HDDC3: variants seen among roughly 807,000 people sequenced by gnomAD.
HDDC3 encodes HD domain containing 3.
Under a neutral mutation model 19.1 loss-of-function variants are expected in HDDC3, and 18 were observed. The observed-to-expected ratio is 0.94, with a 90% CI of 0.65 to 1.40. The LOEUF is 1.40. Ranked by LOEUF, HDDC3 falls within the 40% of genes most tolerant of loss-of-function variation. The pLI is 0.00. For missense variants in HDDC3, 250 were observed against 228.9 expected (o/e 1.09, Z -0.59); for synonymous variants, 107 against 99.4 (o/e 1.08, Z -0.46).
chr15:90,931,070 G>T lies in HDDC3; in HGVS notation c.*205C>A. 1 of 582,258 alleles carries T rather than the reference G, an allele frequency of 1.7e-6. No homozygotes were observed. The highest frequency in any genetic ancestry group is 3.0e-6 in the Non-Finnish European group (1 of 332,266). 36.1% of individuals were successfully genotyped at this position (582,258 alleles called of 1,614,324 possible). On this transcript the variant is annotated 3_prime_UTR_variant, in exon 4 of 4. Coordinates refer to ENST00000394272, the MANE Select transcript of HDDC3 (RefSeq NM_001286451.2). ...GAGAGGCGGTGAGTGCATCAGAAATGGATGGGTACATCTGATTCCCACCAC... is the reference window on the plus strand; with the variant it reads ...GAGAGGCGGTGAGTGCATCAGAAATTGATGGGTACATCTGATTCCCACCAC...
rs1013919774 is a variant in HDDC3, at chr15:90,931,033, C to G, written c.*242G>C. 2.0e-6 allele frequency: 1 copy of G among 494,940 alleles called. No homozygotes were observed. The allele number at this position is 494,940 out of a possible 1,614,324, so 30.7% of individuals were successfully genotyped here. A position where few individuals can be genotyped will look rare whatever the true frequency, so the allele number is the denominator to read the frequency against. On this transcript the variant is annotated 3_prime_UTR_variant, in exon 4 of 4. Coordinates refer to ENST00000394272, the MANE Select transcript of HDDC3 (RefSeq NM_001286451.2). ...CCACCATGCAAAATAGCAAACAGAC[C>G]CAAGACTTGGGGAGAGGCGGTGAGT...
chr15:90,931,130 A>T lies in HDDC3; in HGVS notation c.*145T>A. On this transcript the variant is annotated 3_prime_UTR_variant, in exon 4 of 4. Transcript: ENST00000394272. ...AGCTTAGTTAGCAGGAGACCTTCAG[A>T]CTGAGAAAAAATGCAAGTCTTTTTT... The T allele has an allele frequency of 1.0e-6, 1 of 985,158 alleles. No homozygotes were observed. Among genetic ancestry groups the T allele is most frequent in the Non-Finnish European group, 1.5e-6 (1 of 674,382 alleles). The allele number at this position is 985,158 out of a possible 1,614,324, so 61.0% of individuals were successfully genotyped here.
chr15:90,931,198 AC>A lies in HDDC3; in HGVS notation c.*76del. ...GAAGGATGGAGGGAGCTCAGGAGAC[AC>A]AGAAAAGATGGCGTATGAATCCTGT... On this transcript the variant is annotated 3_prime_UTR_variant, in exon 4 of 4. Coordinates refer to ENST00000394272, the MANE Select transcript of HDDC3 (RefSeq NM_001286451.2). 6.6e-7 allele frequency: 1 copy of A among 1,504,682 alleles called. No individual in the cohort carries two copies. The highest frequency in any genetic ancestry group is 1.2e-5 in the South Asian group (1 of 82,074). 93.2% of individuals were successfully genotyped at this position (1,504,682 alleles called of 1,614,324 possible).
Position 90,932,440 on chromosome 15 carries a change from T to A in HDDC3, c.101A>T (p.Asn34Ile). The change falls in exon 1 of 4, where the codon AAC (asparagine) becomes ATC (isoleucine). Residue 34 changes from asparagine (N) to isoleucine (I), a missense_variant. Physicochemically the swap from Asn to Ile is moderately radical, Grantham distance 149 (BLOSUM62 -3). Coordinates refer to ENST00000394272, the MANE Select transcript of HDDC3 (RefSeq NM_001286451.2). ...GCCGACGCGCCCACCGATGGGGTGG[T>A]TGATGTAGGGGGTCCCCTCGGGGTC... ...RKDPEGTPYI[N>I]HPIGVARILT... is the part of the protein sequence containing the mutation. 1.5e-6 allele frequency: 2 copies of A among 1,364,680 alleles called. No homozygotes were observed. 84.5% of individuals were successfully genotyped at this position (1,364,680 alleles called of 1,614,324 possible).
In HDDC3 at chr15:90,931,705, C is replaced by G; in HGVS notation, c.408G>C (p.Glu136Asp). 1 of 1,614,104 alleles carries G rather than the reference C, an allele frequency of 6.2e-7. No individual in the cohort carries two copies. The highest frequency in any genetic ancestry group is 8.5e-7 in the Non-Finnish European group (1 of 1,180,014). The change falls in exon 3 of 4, where the codon GAG (glutamate) becomes GAC (aspartate). Residue 136 changes from glutamate to aspartate, a missense_variant and splice_region_variant. Coordinates refer to ENST00000394272, the MANE Select transcript of HDDC3 (RefSeq NM_001286451.2). Reference sequence around the variant, plus strand: ...CTTACAGCCCATACGAAAGCGTACCCTCTGGGGTGCAGCGATTCAGGTCCC... The same window carrying G: ...CTTACAGCCCATACGAAAGCGTACCGTCTGGGGTGCAGCGATTCAGGTCCC... Reference protein sequence around the residue: ...NLRDLNRCTPEGWSEHRVQEY... With the variant: ...NLRDLNRCTPDGWSEHRVQEY...
Position 90,931,332 on chromosome 15 carries a change from G to T in HDDC3, c.483C>A (p.Asn161Lys), listed in dbSNP as rs768487452. 4 of 1,551,744 alleles carry T rather than the reference G, an allele frequency of 2.6e-6. No individual in the cohort carries two copies. The highest frequency in any genetic ancestry group is 2.6e-6 in the Non-Finnish European group (3 of 1,147,184). ...GCTTTAGAGCCTCTTCCAGTTGCCG[G>T]TTTGTTCCCTGAAGCCCCTTCACCA... is the stretch of plus-strand genomic sequence containing the variant. Reference protein sequence around the residue: ...AQVVKGLQGTNRQLEEALKHL... With the variant: ...AQVVKGLQGTKRQLEEALKHL... The change falls in exon 4 of 4, where the codon AAC becomes AAA. Residue 161 changes from asparagine to lysine, a missense_variant. Coordinates refer to ENST00000394272, the MANE Select transcript of HDDC3 (RefSeq NM_001286451.2).
In HDDC3 at chr15:90,932,044, G is replaced by C; in HGVS notation, c.168+11C>G. On this transcript the variant is annotated intron_variant, in intron 2 of 3. Coordinates refer to ENST00000394272, the MANE Select transcript of HDDC3 (RefSeq NM_001286451.2). ...CATCCCAGGCTCCTGGCAGAGAAGG[G>C]GGAAAGTTACCTGTAACACCACAAT... The C allele has an allele frequency of 1.2e-6, 2 of 1,613,676 alleles. No individual in the cohort carries two copies. Among genetic ancestry groups the C allele is most frequent in the Non-Finnish European group, 1.7e-6 (2 of 1,179,792 alleles).
rs1195023573 is a variant in HDDC3 at position 90,931,913 on chromosome 15, G to GT, written c.199dup (p.Thr67AsnfsTer7). Reference sequence around the variant, plus strand: ...CTCCACCTCATCCAGGGTGGTGTCTGTGTCCTCCACCGTGTCATGGAGCAG... The same window carrying GT: ...CTCCACCTCATCCAGGGTGGTGTCTGTTGTCCTCCACCGTGTCATGGAGCAG... On this transcript the variant is annotated frameshift_variant, in exon 3 of 4. Transcript: ENST00000394272. LOFTEE classifies it high-confidence loss of function. 3 of 1,613,954 alleles carry GT rather than the reference G, an allele frequency of 1.9e-6. No individual in the cohort carries two copies. The highest frequency in any genetic ancestry group is 3.3e-4 in the Middle Eastern group (2 of 6,060).
At position 90,930,651 on chromosome 15, in the gene HDDC3, GA is replaced by G. The variant is rs2035758220; in HGVS notation, c.*623del. The G allele has an allele frequency of 6.5e-6, 1 of 153,678 alleles. No individual in the cohort carries two copies. The highest frequency in any genetic ancestry group is 2.0e-4 in the South Asian group (1 of 5,078). The allele number at this position is 153,678 out of a possible 1,614,324, so 9.5% of individuals were successfully genotyped here. The stretch of plus-strand genomic sequence containing the variant: ...CCCAGAGTGCTGGGATTACAGGCGA[GA>G]GACACCGCGCCTGGCCCCCTTCCAA... On this transcript the variant is annotated 3_prime_UTR_variant, in exon 4 of 4. Transcript: ENST00000394272.
In HDDC3 at chr15:90,930,247, C is replaced by G. The variant is rs1245540428; in HGVS notation, c.*1028G>C. 1.3e-5 allele frequency: 2 copies of G among 152,234 alleles called. No homozygotes were observed. The highest frequency in any genetic ancestry group is 2.9e-5 in the Non-Finnish European group (2 of 68,046). The allele number at this position is 152,234 out of a possible 1,614,324, so 9.4% of individuals were successfully genotyped here. A position where few individuals can be genotyped will look rare whatever the true frequency, so the allele number is the denominator to read the frequency against. On this transcript the variant is annotated 3_prime_UTR_variant, in exon 4 of 4. Transcript: ENST00000394272. ...ATTGCGAGTCACCGAGTTTCCCGCG[C>G]GGCTTGAGGTACTGGGGAACCGGAA...
rs1184189012 is a variant in HDDC3, at chr15:90,931,723, C to G, written c.390G>C (p.Leu130=). ...LADKLYNLRD[L]NRCTPEGWSE... is the part of the protein sequence containing the mutation. ...GCGTACCCTCTGGGGTGCAGCGATT[C>G]AGGTCCCTCAGATTGTACAGCTTGT... Residue 130 remains leucine, a synonymous_variant, in exon 3 of 4, where the codon CTG becomes CTC. Coordinates refer to ENST00000394272, the MANE Select transcript of HDDC3 (RefSeq NM_001286451.2). 6.2e-7 allele frequency: 1 copy of G among 1,614,008 alleles called. No individual in the cohort carries two copies. The highest frequency in any genetic ancestry group is 8.5e-7 in the Non-Finnish European group (1 of 1,180,024).
chr15:90,932,140 G>C (rs2035820739), intron 1 of HDDC3, 30 bp from the exon 2 acceptor site: 1 of 1,568,200 alleles, frequency 6.4e-7, no homozygotes. Context: ...CAGGAAGTCA[G>C]GTCGGAGGTA....
chr15:90,931,511 T>G (rs745887826), intron 3 of HDDC3, 106 bp from the exon 4 acceptor site: 1 of 1,614,174 alleles, frequency 6.2e-7, no homozygotes, highest in Non-Finnish European at 8.5e-7. Flanking sequence ...CCTGATGGAA[T>G]GAGCTGTCCT....
intron 3 of HDDC3, 36 bp downstream of exon 3, chr15:90,931,668 C>T (rs1363677971): frequency 6.2e-7 from 1 of 1,613,936 alleles, no homozygotes; most frequent in South Asian, 1.1e-5. Context: ...GCGGCATCCC[C>T]CTCCCTTTTC....
rs777219665 is a variant in HDDC3, at chr15:90,932,513, C to A, written c.28G>T (p.Glu10Ter). The A allele has an allele frequency of 1.5e-5, 19 of 1,299,420 alleles. No individual in the cohort carries two copies. Among genetic ancestry groups the A allele is most frequent in the Middle Eastern group, 2.9e-4 (1 of 3,448 alleles). 80.5% of individuals were successfully genotyped at this position (1,299,420 alleles called of 1,614,324 possible). A position where few individuals can be genotyped will look rare whatever the true frequency, so the allele number is the denominator to read the frequency against. ...TTGCGAGCCGCGAAGTCGGCAGCCT[C>A]CAGCAGCTGCGCCGCCTCAGAGCCC... MGSEAAQLLEAADFAARKHR... is the reference protein window; with the variant it reads MGSEAAQLL The change falls in exon 1 of 4, where the codon GAG (glutamate) becomes TAG (stop). Residue 10 changes from glutamate (E) to a stop codon, truncating the protein, a stop_gained. Coordinates refer to ENST00000394272, the MANE Select transcript of HDDC3 (RefSeq NM_001286451.2). LOFTEE classifies it high-confidence loss of function.
At chr15:90,931,643 A>G in intron 3 of HDDC3, 61 bp downstream of exon 3, 3 of 1,614,054 alleles carry the variant, frequency 1.9e-6, no homozygotes, top group Non-Finnish European at 2.5e-6. Context: ...ACTGACCAAC[A>G]TGTGTCTTCA....
In HDDC3 at chr15:90,931,684, C is replaced by T; in HGVS notation, c.409+20G>A. On this transcript the variant is annotated intron_variant, in intron 3 of 3. Transcript: ENST00000394272. ...CGGCATCCCCCTCCCTTTTCCCTTA[C>T]AGCCCATACGAAAGCGTACCCTCTG... 6.2e-7 allele frequency: 1 copy of T among 1,614,008 alleles called. No individual in the cohort carries two copies. The highest frequency in any genetic ancestry group is 8.5e-7 in the Non-Finnish European group (1 of 1,179,910).
rs773889911 is a variant in HDDC3, at chr15:90,932,100, C to A, written c.123G>T (p.Arg41=). The A allele has an allele frequency of 3.8e-6, 6 of 1,595,856 alleles. No homozygotes were observed. The African/African-American group carries it at 5.4e-5, about 14-fold the overall frequency. Residue 41 remains arginine (R), a synonymous_variant, in exon 2 of 4, where the codon CGG becomes CGT. Transcript: ENST00000394272. Reference sequence around the variant, plus strand: ...TGATTCCCGCCTCGTGGGTCAGGATCCGTGCCACACCTGACGGGGAGGGGC... The same window carrying A: ...TGATTCCCGCCTCGTGGGTCAGGATACGTGCCACACCTGACGGGGAGGGGC... ...PYINHPIGVA[R]ILTHEAGITD...
chr15:90,931,732 C>T lies in HDDC3; in HGVS notation c.381G>A (p.Leu127=). 1 of 1,614,142 alleles carries T rather than the reference C, an allele frequency of 6.2e-7. No homozygotes were observed. Among genetic ancestry groups the T allele is most frequent in the Non-Finnish European group, 8.5e-7 (1 of 1,180,042 alleles). The change falls in exon 3 of 4, where the codon CTG becomes CTA. Residue 127 remains leucine (L), a synonymous_variant. Transcript: ENST00000394272. ...LVKLADKLYN[L]RDLNRCTPEG... ...CTGGGGTGCAGCGATTCAGGTCCCT[C>T]AGATTGTACAGCTTGTCTGCCAGCT... is the stretch of plus-strand genomic sequence containing the variant.
Sources: allele counts gnomAD v4.1 joint callset, GRCh38; gene constraint gnomAD v4.1.1; transcripts MANE v1.5; gene names NCBI Gene and HGNC (gene_info 2026-07-23, HGNC 2026-07-21).